Variants in GRID2 observed in about 807,000 individuals in gnomAD.
GRID2 encodes the protein glutamate ionotropic receptor delta type subunit 2, also known as glutamate receptor ionotropic, delta-2.
Under a neutral mutation model 114.8 loss-of-function variants are expected in GRID2, and 33 were observed. The observed-to-expected ratio is 0.29, with a 90% CI of 0.22 to 0.38. The LOEUF (loss-of-function observed/expected upper bound fraction) is 0.38, where lower values mean the gene tolerates loss of function less well. Among genes scored for constraint, GRID2 ranks in the 10% least tolerant of loss-of-function variants. The pLI, the probability that GRID2 is intolerant of heterozygous loss-of-function variation, is 1.00. For synonymous variants in GRID2, 505 were observed against 449.9 expected (o/e 1.12, Z -1.55); for missense variants, 1,184 against 1,257.7 (o/e 0.94, Z 0.89).
chr4:92,505,746 G>A (rs1723931464), intron 1 of GRID2, among the ~76,000 whole-genome samples: 1 of 151,920 alleles, frequency 6.6e-6, no homozygotes, highest in Non-Finnish European at 1.5e-5. Flanking sequence ...TACTTGGCAG[G>A]CATTCTAAAT....
chr4:92,645,197 A>ATTGT (rs1427696661), intron 2 of GRID2, among the ~76,000 whole-genome samples: 1 of 151,652 alleles, frequency 6.6e-6, no homozygotes, highest in Non-Finnish European at 1.5e-5. Flanking sequence ...AAATTTTCAT[A>ATTGT]TTGTTAGAAG....
intron 4 of GRID2, among the ~76,000 whole-genome samples, chr4:93,196,108 A>G (rs1323672715): frequency 6.6e-6 from 1 of 152,188 alleles, no homozygotes; most frequent in African/African-American, 2.4e-5. Context: ...CTAGTGAAAT[A>G]ACTCAGGCAG....
chr4:92,731,239 T>TTTTC (rs928983245), intron 2 of GRID2, among the ~76,000 whole-genome samples: 5 of 151,688 alleles, frequency 3.3e-5, no homozygotes, highest in Non-Finnish European at 7.4e-5. Context: ...TGATTTTTTT[T>TTTTC]TTTCTTTCTT....
At chr4:93,540,193 T>C (rs1377194426) in intron 13 of GRID2, among the ~76,000 whole-genome samples, 2 of 152,060 alleles carry the variant, frequency 1.3e-5, no homozygotes, top group South Asian at 4.1e-4. Flanking sequence ...TATTGTCCTT[T>C]GAATGTTGTA....
At chr4:92,871,996 G>A (rs1745313183) in intron 2 of GRID2, among the ~76,000 whole-genome samples, 1 of 151,884 alleles carries the variant, frequency 6.6e-6, no homozygotes, top group Non-Finnish European at 1.5e-5. Context: ...TAAATCTGTG[G>A]TCAGGTGTAT....
chr4:93,297,878 T>C (rs1754481436), intron 8 of GRID2, among the ~76,000 whole-genome samples: 2 of 152,212 alleles, frequency 1.3e-5, no homozygotes, highest in African/African-American at 4.8e-5. Flanking sequence ...GGAAATCAGA[T>C]GGAGCATACA....
intron 14 of GRID2, among the ~76,000 whole-genome samples, chr4:93,717,809 A>G (rs1729026429): frequency 6.6e-6 from 1 of 152,226 alleles, no homozygotes; most frequent in African/African-American, 2.4e-5. Flanking sequence ...CTGTTAGAAT[A>G]TAGGCAGTTG....
intron 8 of GRID2, among the ~76,000 whole-genome samples, chr4:93,294,150 G>C (rs1017673647): frequency 1.3e-5 from 2 of 152,148 alleles, no homozygotes; most frequent in African/African-American, 4.8e-5. Context: ...CATGGGTGAA[G>C]TGAGCAGAGG....
chr4:93,271,436 C>T (rs558593835), intron 8 of GRID2, among the ~76,000 whole-genome samples: 65 of 152,170 alleles, frequency 4.3e-4, no homozygotes, highest in African/African-American at 1.3e-3. Context: ...CCAGCAATCC[C>T]GGTTAGGAAG....
intron 2 of GRID2, among the ~76,000 whole-genome samples, chr4:92,661,703 C>T (rs1732527727): frequency 6.6e-6 from 1 of 150,618 alleles, no homozygotes; most frequent in Non-Finnish European, 1.5e-5. Flanking sequence ...TTATTGATAA[C>T]TAGATAATTT....
At chr4:92,686,804 C>T (rs1466617381) in intron 2 of GRID2, among the ~76,000 whole-genome samples, 2 of 151,902 alleles carry the variant, frequency 1.3e-5, no homozygotes, top group African/African-American at 2.4e-5. Flanking sequence ...AAAGACAAGT[C>T]CTCTTGTCAA....
chr4:93,764,153 T>C (rs1266820896), intron 14 of GRID2, among the ~76,000 whole-genome samples: 1 of 152,184 alleles, frequency 6.6e-6, no homozygotes, highest in Non-Finnish European at 1.5e-5. Context: ...CTCTTCAAGA[T>C]GAATGCCTAA....
intron 1 of GRID2, among the ~76,000 whole-genome samples, chr4:92,583,987 A>T (rs2149205193): frequency 6.6e-6 from 1 of 151,386 alleles, no homozygotes; most frequent in African/African-American, 2.4e-5. Context: ...CTGAAATAGT[A>T]GCTGATACTA....
intron 2 of GRID2, among the ~76,000 whole-genome samples, chr4:92,833,058 G>C (rs951200905): frequency 6.6e-6 from 1 of 152,166 alleles, no homozygotes; most frequent in Non-Finnish European, 1.5e-5. Flanking sequence ...GTTTCTTAAA[G>C]TATATGCTAG....
At chr4:92,320,874 G>A (rs1447139631) in intron 1 of GRID2, among the ~76,000 whole-genome samples, 1 of 152,090 alleles carries the variant, frequency 6.6e-6, no homozygotes, top group Non-Finnish European at 1.5e-5. Context: ...CCTAATTTAA[G>A]AGAATGGCAC....
intron 2 of GRID2, among the ~76,000 whole-genome samples, chr4:92,920,082 A>T (rs1211873836): frequency 6.6e-6 from 1 of 152,064 alleles, no homozygotes; most frequent in Non-Finnish European, 1.5e-5. Flanking sequence ...TGTTGAATTG[A>T]TCTCTTTACC....
chr4:92,552,111 G>A (rs1184068439), intron 1 of GRID2, among the ~76,000 whole-genome samples: 1 of 151,958 alleles, frequency 6.6e-6, no homozygotes, highest in African/African-American at 2.4e-5. Flanking sequence ...TAGATGAAAG[G>A]GTAGTGCATG....
chr4:93,687,669 G>A (rs908639637), intron 14 of GRID2, among the ~76,000 whole-genome samples: 1 of 151,962 alleles, frequency 6.6e-6, no homozygotes, highest in African/African-American at 2.4e-5. Flanking sequence ...GGGGAGAATA[G>A]TGAGGATAAA....
intron 8 of GRID2, among the ~76,000 whole-genome samples, chr4:93,332,299 T>TGTGAGA (rs1332631052): frequency 1.5e-4 from 18 of 121,038 alleles, no homozygotes; most frequent in African/African-American, 5.3e-4. Flanking sequence ...TGTGTGTGTG[T>TGTGAGA]GAGAGAGAGA....
Sources: gnomAD v4.1 joint callset for allele counts (sites outside exome capture counted in the v4.1 genomes callset) on GRCh38, gnomAD v4.1.1 for gene constraint, MANE v1.5 for transcripts, NCBI Gene and HGNC (gene_info 2026-07-23, HGNC 2026-07-21) for gene names.